The following LSAMP variants were observed in gnomAD, a reference collection of about 807,000 sequenced individuals.
The protein encoded by LSAMP is limbic system-associated membrane protein.
In LSAMP, 7 loss-of-function variants were observed where a neutral mutation model predicts 38.6. The observed-to-expected ratio is 0.18, with a 90% CI of 0.10 to 0.34. The LOEUF (loss-of-function observed/expected upper bound fraction) is 0.34, where lower values mean the gene tolerates loss of function less well. Among genes scored for constraint, LSAMP ranks in the 10% least tolerant of loss-of-function variants. The pLI is 1.00. For synonymous variants in LSAMP, 154 were observed against 166.8 expected (o/e 0.92, Z 0.59); for missense variants, 313 against 420.0 (o/e 0.75, Z 2.23).
intron 1 of LSAMP, among the ~76,000 whole-genome samples, chr3:116,145,364 T>G (rs962009050): frequency 6.6e-6 from 1 of 151,940 alleles, no homozygotes; most frequent in Non-Finnish European, 1.5e-5. Context: ...ATTTTAAATA[T>G]TGACCCACAC....
At chr3:116,444,369 T>G (rs2049474590) in intron 1 of LSAMP, among the ~76,000 whole-genome samples, 1 of 106,512 alleles carries the variant, frequency 9.4e-6, no homozygotes, top group African/African-American at 4.1e-5. Flanking sequence ...TGTGTGTATG[T>G]GTGTGTGTGT....
At chr3:116,434,281 T>C (rs2049318394) in intron 1 of LSAMP, among the ~76,000 whole-genome samples, 1 of 152,180 alleles carries the variant, frequency 6.6e-6, no homozygotes, top group African/African-American at 2.4e-5. Context: ...AGTAGGCAAA[T>C]ATTTATTTGA....
At chr3:116,112,329 A>T (rs148071230) in intron 1 of LSAMP, among the ~76,000 whole-genome samples, 39 of 152,328 alleles carry the variant, frequency 2.6e-4, no homozygotes, top group Non-Finnish European at 5.4e-4. Context: ...AGTATGATAC[A>T]GGGCAGGAGG....
intron 1 of LSAMP, among the ~76,000 whole-genome samples, chr3:116,284,042 C>T (rs1003286509): frequency 5.3e-5 from 8 of 152,040 alleles, no homozygotes; most frequent in Non-Finnish European, 1.5e-5. Flanking sequence ...AAAATAGTCT[C>T]AACTTATTTC....
intron 1 of LSAMP, among the ~76,000 whole-genome samples, chr3:116,179,766 G>A (rs1559772255): frequency 6.6e-6 from 1 of 152,032 alleles, no homozygotes; most frequent in Non-Finnish European, 1.5e-5. Flanking sequence ...CCAACACTGA[G>A]GATTACATTT....
intron 1 of LSAMP, among the ~76,000 whole-genome samples, chr3:116,289,285 T>C (rs898343451): frequency 2.0e-5 from 3 of 152,222 alleles, no homozygotes; most frequent in Admixed American, 2.0e-4. Flanking sequence ...ACACATTTTA[T>C]TTTATTTTTT....
rs71616336 is a variant in LSAMP at position 115,953,404 on chromosome 3, TACACACACACACACAC to T, written c.514+66095_514+66110del. The stretch of plus-strand genomic sequence containing the variant: ...GGGATGAAACAAAATGTAGTGTGCG[TACACACACACACACAC>T]ACACACACACACACACACACACAAT... On this transcript the variant is annotated intron_variant, in intron 3 of 6. Coordinates refer to ENST00000490035, the MANE Select transcript of LSAMP (RefSeq NM_002338.5). Among the ~76,000 whole-genome samples, 59 of 143,706 alleles carry T rather than the reference TACACACACACACACAC, an allele frequency of 4.1e-4. No homozygotes were observed. In the East Asian group the frequency reaches 6.2e-3, roughly 15 times the overall value. The allele number at this position is 143,706 out of a possible 152,430, so 94.3% of individuals were successfully genotyped here. A position where few individuals can be genotyped will look rare whatever the true frequency, so the allele number is the denominator to read the frequency against.
chr3:116,258,671 C>T (rs1156818760), intron 1 of LSAMP, among the ~76,000 whole-genome samples: 2 of 151,992 alleles, frequency 1.3e-5, no homozygotes, highest in Non-Finnish European at 2.9e-5. Flanking sequence ...GAAGCAATAG[C>T]GGCCAATAGG....
chr3:116,018,396 C>T (rs757949728), intron 3 of LSAMP, among the ~76,000 whole-genome samples: 8 of 152,082 alleles, frequency 5.3e-5, no homozygotes, highest in Non-Finnish European at 1.0e-4. Flanking sequence ...TTAGAAATGT[C>T]TCAGTTTAGC....
chr3:116,233,609 C>G (rs925938631), intron 1 of LSAMP, among the ~76,000 whole-genome samples: 1 of 152,008 alleles, frequency 6.6e-6, no homozygotes, highest in Non-Finnish European at 1.5e-5. Context: ...ACCAACCGCT[C>G]TTTATCCCCC....
At chr3:116,426,104 T>C (rs926642563) in intron 1 of LSAMP, among the ~76,000 whole-genome samples, 1 of 152,056 alleles carries the variant, frequency 6.6e-6, no homozygotes, top group Non-Finnish European at 1.5e-5. Flanking sequence ...TATAAATAGT[T>C]GTGAAAATCT....
chr3:115,837,306 T>TC (rs1296483972), intron 6 of LSAMP, among the ~76,000 whole-genome samples: 1 of 148,190 alleles, frequency 6.7e-6, no homozygotes, highest in African/African-American at 2.5e-5. Flanking sequence ...TTTTTTTTTG[T>TC]ATTTTTATTC....
intron 1 of LSAMP, among the ~76,000 whole-genome samples, chr3:116,225,941 C>G (rs1272779445): frequency 6.6e-6 from 1 of 152,198 alleles, no homozygotes; most frequent in Non-Finnish European, 1.5e-5. Flanking sequence ...GTTTTCACCT[C>G]TACACCTTGT....
chr3:116,041,030 C>T lies in LSAMP; in HGVS notation c.389-21390G>A, dbSNP rs1941159745. On this transcript the variant is annotated intron_variant, in intron 2 of 6. Coordinates refer to ENST00000490035, the MANE Select transcript of LSAMP (RefSeq NM_002338.5). ...CCTCAACCTCCTGGGCTCAAGTGAG[C>T]ATCCCGCCTCAGCTTCCAGAGTAGC... Among the ~76,000 whole-genome samples the T allele has an allele frequency of 2.0e-5, 3 of 152,226 alleles. No individual in the cohort carries two copies. The South Asian group carries it at 6.2e-4, about 32-fold the overall frequency.
chr3:115,839,262 T>TTTCCTTCCTTCCTTCCTTCCTTCC (rs1192339424), intron 6 of LSAMP, among the ~76,000 whole-genome samples: 33 of 78,688 alleles, frequency 4.2e-4, no homozygotes, highest in Non-Finnish European at 5.6e-4. Context: ...TCCTTCTTTC[T>TTTCCTTCCTTCCTTCCTTCCTTCC]TTCCTTCCTT....
At chr3:116,376,797 ACTAAT>A (rs2048499578) in intron 1 of LSAMP, among the ~76,000 whole-genome samples, 1 of 152,134 alleles carries the variant, frequency 6.6e-6, no homozygotes, top group Non-Finnish European at 1.5e-5. Context: ...TTACTGCCAA[ACTAAT>A]CTTTTTAAAA....
At chr3:116,197,236 C>A (rs932705734) in intron 1 of LSAMP, among the ~76,000 whole-genome samples, 2 of 152,078 alleles carry the variant, frequency 1.3e-5, no homozygotes, top group Non-Finnish European at 2.9e-5. Context: ...TCTGTCCTCT[C>A]TTTCCAGAAT....
intron 1 of LSAMP, among the ~76,000 whole-genome samples, chr3:116,135,987 C>T (rs553673483): frequency 4.1e-4 from 63 of 152,232 alleles, no homozygotes; most frequent in Admixed American, 1.1e-3. Flanking sequence ...TGGCCTCACA[C>T]AAGCAAGGTC....
intron 2 of LSAMP, among the ~76,000 whole-genome samples, chr3:116,034,933 TCTC>T (rs1327262769): frequency 6.6e-6 from 1 of 152,156 alleles, no homozygotes; most frequent in African/African-American, 2.4e-5. Flanking sequence ...ATGCAAAACA[TCTC>T]CTCTCTACTG....
Sources: allele counts gnomAD v4.1 joint callset (sites outside exome capture counted in the v4.1 genomes callset), GRCh38; gene constraint gnomAD v4.1.1; transcripts MANE v1.5; gene names NCBI Gene and HGNC (gene_info 2026-07-23, HGNC 2026-07-21).